The following TRPM7 variants were observed in gnomAD, a reference collection of about 807,000 sequenced individuals.
TRPM7 encodes the protein LTRPC ion channel family member 7.
Under a neutral mutation model 229.7 loss-of-function variants are expected in TRPM7, and 134 were observed. That is an observed-to-expected ratio of 0.58 (90% CI 0.51 to 0.67). The LOEUF (loss-of-function observed/expected upper bound fraction) is 0.67, where lower values mean the gene tolerates loss of function less well. Among genes scored for constraint, TRPM7 ranks in the 30% least tolerant of loss-of-function variants. TRPM7 has a pLI of 0.00. For missense variants in TRPM7, 1,901 were observed against 2,210.0 expected, an observed-to-expected ratio of 0.86 and a Z score of 2.80; for synonymous variants, 699 against 715.2, an observed-to-expected ratio of 0.98 and a Z score of 0.36.
chr15:50,615,956 C>T (rs1308921423), intron 13 of TRPM7, among the ~76,000 whole-genome samples: 3 of 152,094 alleles, frequency 2.0e-5, no homozygotes, highest in African/African-American at 7.2e-5. Flanking sequence ...ATAACTATAT[C>T]CTTTAAATCT....
chr15:50,623,136 G>T (rs949688205), intron 12 of TRPM7, among the ~76,000 whole-genome samples: 10 of 152,046 alleles, frequency 6.6e-5, no homozygotes, highest in African/African-American at 2.4e-4. Context: ...ATTTTTGGCC[G>T]GGTGCAGTGG....
At chr15:50,610,081 G>T in intron 17 of TRPM7, 120 bp from the exon 18 acceptor site, 1 of 741,876 alleles carries the variant, frequency 1.3e-6, no homozygotes, top group Non-Finnish European at 2.0e-6. Flanking sequence ...TAGCCATTTT[G>T]CCCCTAGCAG....
At chr15:50,635,672 AAAAAAAAAAAAAAAAAAAAG>A (rs1005134729) in intron 7 of TRPM7, among the ~76,000 whole-genome samples, 7 of 69,092 alleles carry the variant, frequency 1.0e-4, no homozygotes, top group Non-Finnish European at 1.9e-4. Flanking sequence ...CCCAAAAAAA[AAAAAAAAAAAAAAAAAAAAG>A]AGGACGGCTG....
intron 22 of TRPM7, among the ~76,000 whole-genome samples, chr15:50,598,129 T>C: frequency 6.6e-6 from 1 of 151,786 alleles, no homozygotes; most frequent in East Asian, 1.9e-4. Flanking sequence ...TAATCACCCA[T>C]AAATACGTAG....
In TRPM7 at chr15:50,591,913, A is replaced by G. The variant is rs754925024; in HGVS notation, c.4322T>C (p.Val1441Ala). 5.8e-6 allele frequency: 9 copies of G among 1,546,206 alleles called. No individual in the cohort carries two copies. The highest frequency in any genetic ancestry group is 7.8e-6 in the Non-Finnish European group (9 of 1,152,392). ...AAATACGAATTTGCCAAACTTACCTACAAATGCTCCAAATTCTGTATTATC... is the reference window on the plus strand; with the variant it reads ...AAATACGAATTTGCCAAACTTACCTGCAAATGCTCCAAATTCTGTATTATC... ...EGDNTEFGAF[V>A]GHRDSMDLQR... Residue 1441 changes from valine to alanine, a missense_variant and splice_region_variant, in exon 26 of 39, where the codon GTA (valine) becomes GCA (alanine). Physicochemically the swap from Val to Ala is moderately conservative, Grantham distance 64. Around this residue, in one of 8 missense-constraint regions of TRPM7, gnomAD observed 533 missense variants for 497.1 expected, o/e 1.07. Transcript: ENST00000646667.
At chr15:50,605,214 C>A (rs1274521877) in intron 20 of TRPM7, 70 bp from the exon 21 acceptor site, 6 of 1,243,284 alleles carry the variant, frequency 4.8e-6, no homozygotes, top group Non-Finnish European at 6.7e-6. Flanking sequence ...CAGCATTCAA[C>A]TATAACATTA....
At position 50,663,015 on chromosome 15, in the gene TRPM7, G is replaced by T. The variant is rs1288764858; in HGVS notation, c.35C>A (p.Thr12Asn). Residue 12 changes from threonine (T) to asparagine (N), a missense_variant, in exon 2 of 39, where the codon ACC (threonine) becomes AAC (asparagine). By Grantham distance (65) the Thr-to-Asn change is moderately conservative (BLOSUM62 0). Around this residue, in one of 8 missense-constraint regions of TRPM7, gnomAD observed 794 missense variants for 881.9 expected, o/e 0.90. Transcript: ENST00000646667. ...TATAATATATACACATTCCCTCTTGGTCAAAGTGCTTTCTATCCAGGATTT... is the reference window on the plus strand; with the variant it reads ...TATAATATATACACATTCCCTCTTGTTCAAAGTGCTTTCTATCCAGGATTT... ...SQKSWIESTL[T>N]KRECVYIIPS... The T allele has an allele frequency of 3.1e-6, 5 of 1,613,728 alleles. No homozygotes were observed. The East Asian group carries it at 1.1e-4, about 36-fold the overall frequency.
Position 50,665,298 on chromosome 15 carries a change from G to A in TRPM7, c.4-2252C>T, listed in dbSNP as rs561437219. Among the ~76,000 whole-genome samples, 10 of 151,908 alleles carry A rather than the reference G, an allele frequency of 6.6e-5. No individual in the cohort carries two copies. The East Asian group carries it at 1.8e-3, about 27-fold the overall frequency. On this transcript the variant is annotated intron_variant, in intron 1 of 38. Transcript: ENST00000646667. ...TGTAATCCCAACTACTCAGGAGGCT[G>A]AGGCAGAACTGCTTGAACCCGGGAG...
At chr15:50,629,859 C>CTTTTTT (rs33991422) in intron 10 of TRPM7, among the ~76,000 whole-genome samples, 2 of 106,526 alleles carry the variant, frequency 1.9e-5, no homozygotes, top group African/African-American at 3.5e-5. Context: ...TCTTTTTAAC[C>CTTTTTT]TTTTTTTTTT....
intron 4 of TRPM7, among the ~76,000 whole-genome samples, chr15:50,645,146 C>T (rs908946542): frequency 9.2e-5 from 14 of 152,126 alleles, no homozygotes; most frequent in Non-Finnish European, 2.1e-4. Context: ...CTCAAGTGAT[C>T]TGCCCACCTC....
chr15:50,669,281 A>C (rs991781956), intron 1 of TRPM7, among the ~76,000 whole-genome samples: 1 of 148,896 alleles, frequency 6.7e-6, no homozygotes, highest in Admixed American at 6.6e-5. Flanking sequence ...TAAAAATACA[A>C]AAAATTAGCC....
Position 50,558,782 on chromosome 15 carries a change from A to C in TRPM7, c.*2896T>G, listed in dbSNP as rs988509434. ...GTGGTGCATGCCTGTGGTTCCACCT[A>C]ATCAAGAGGCAGTGGCAGGAGGATT... is the stretch of plus-strand genomic sequence containing the variant. On this transcript the variant is annotated 3_prime_UTR_variant, in exon 39 of 39. Coordinates refer to ENST00000646667, the MANE Select transcript of TRPM7 (RefSeq NM_017672.6). 6.6e-6 allele frequency: 1 copy of C among 152,128 alleles called. No individual in the cohort carries two copies. Among genetic ancestry groups the C allele is most frequent in the African/African-American group, 2.4e-5 (1 of 41,440 alleles). 9.4% of individuals were successfully genotyped at this position (152,128 alleles called of 1,614,324 possible). A position where few individuals can be genotyped will look rare whatever the true frequency, so the allele number is the denominator to read the frequency against.
At chr15:50,684,589 CGA>C (rs1265686889) in intron 1 of TRPM7, among the ~76,000 whole-genome samples, 1 of 151,482 alleles carries the variant, frequency 6.6e-6, no homozygotes, top group African/African-American at 2.4e-5. Flanking sequence ...TGCAGTCAGC[CGA>C]GATCGCTACA....
chr15:50,564,532 CATAT>C (rs760141827), intron 38 of TRPM7, among the ~76,000 whole-genome samples: 1 of 151,358 alleles, frequency 6.6e-6, no homozygotes, highest in Non-Finnish European at 1.5e-5. Context: ...CATGCATTAA[CATAT>C]ATATATGTAT....
At chr15:50,593,811 T>C in intron 24 of TRPM7, 62 bp from the exon 25 acceptor site, 5 of 1,503,620 alleles carry the variant, frequency 3.3e-6, no homozygotes, top group Admixed American at 2.1e-5. Context: ...CTTTAGCTCA[T>C]AATTCTTACG....
chr15:50,594,305 T>A, intron 24 of TRPM7, 124 bp downstream of exon 24: 1 of 901,468 alleles, frequency 1.1e-6, no homozygotes, highest in Non-Finnish European at 1.7e-6. Context: ...ACAGGCATAT[T>A]TAACAAAAAT....
chr15:50,563,225 T>TGTGTAGCTGGGACA (rs554883408), intron 38 of TRPM7, among the ~76,000 whole-genome samples: 150 of 152,364 alleles, frequency 9.8e-4, no homozygotes, highest in African/African-American at 3.4e-3. Flanking sequence ...ACGGTAGAAC[T>TGTGTAGCTGGGACA]GTGTAGCTGG....
chr15:50,663,586 A>G (rs1021221388), intron 1 of TRPM7, among the ~76,000 whole-genome samples: 1 of 151,940 alleles, frequency 6.6e-6, no homozygotes, highest in African/African-American at 2.4e-5. Flanking sequence ...TCAAATAGTC[A>G]AACAGGAGGG....
At chr15:50,644,639 C>G (rs1158838159) in intron 4 of TRPM7, among the ~76,000 whole-genome samples, 3 of 151,876 alleles carry the variant, frequency 2.0e-5, no homozygotes, top group South Asian at 4.2e-4. Flanking sequence ...CCCGTCTCTA[C>G]TAAATACAAA....
Sources: allele counts gnomAD v4.1 joint callset (sites outside exome capture counted in the v4.1 genomes callset), GRCh38; gene constraint gnomAD v4.1.1; regional missense constraint gnomAD v4.1.1; transcripts MANE v1.5; gene names NCBI Gene and HGNC (gene_info 2026-07-23, HGNC 2026-07-21).